Variants in CBL observed in about 807,000 individuals in gnomAD.
The protein encoded by CBL is Cbl proto-oncogene.
In CBL, 45 loss-of-function variants were observed where a neutral mutation model predicts 96.9. That is an observed-to-expected ratio of 0.46 (90% confidence interval 0.37 to 0.60). The LOEUF is 0.60. Ranked by LOEUF, CBL falls within the 20% of genes least tolerant of loss-of-function variation. The pLI, the probability that CBL is intolerant of heterozygous loss-of-function variation, is 0.00. For missense variants in CBL, 1,024 were observed against 1,143.5 expected (o/e 0.90, Z 1.51); for synonymous variants, 420 against 426.8 (o/e 0.98, Z 0.20).
At chr11:119,265,714 C>G (rs1012455936) in intron 2 of CBL, among the ~76,000 whole-genome samples, 38 of 152,134 alleles carry the variant, frequency 2.5e-4, no homozygotes, top group Non-Finnish European at 5.9e-5. Context: ...TGGTGAAACC[C>G]TGTCTCTACT....
chr11:119,303,906 CT>C lies in CBL; in HGVS notation c.*4126del, dbSNP rs1180394101. On this transcript the variant is annotated 3_prime_UTR_variant, in exon 16 of 16. Coordinates refer to ENST00000264033, the MANE Select transcript of CBL (RefSeq NM_005188.4). ...GATTTTCGTATCACCCTTATGGGAC[CT>C]GTCACCATGTCCTGTACTATTTGGA... is the stretch of plus-strand genomic sequence containing the variant. 11 of 233,704 alleles carry C rather than the reference CT, an allele frequency of 4.7e-5. No homozygotes were observed. Among genetic ancestry groups the C allele is most frequent in the African/African-American group, 2.4e-4 (11 of 45,440 alleles). 14.5% of individuals were successfully genotyped at this position (233,704 alleles called of 1,614,324 possible). A position where few individuals can be genotyped will look rare whatever the true frequency, so the allele number is the denominator to read the frequency against.
chr11:119,215,314 C>G (rs1949350725), intron 1 of CBL, among the ~76,000 whole-genome samples: 1 of 151,946 alleles, frequency 6.6e-6, no homozygotes, highest in African/African-American at 2.4e-5. Context: ...CAGCAGAGTT[C>G]AATGTTATAT....
Position 119,206,411 on chromosome 11 carries a change from C to T in CBL, c.-7C>T. 6.4e-7 allele frequency: 1 copy of T among 1,551,504 alleles called. No individual in the cohort carries two copies. ...GGACCCGCCTGGGCTCCGACCCTGC[C>T]CAGGCCATGGCCGGCAACGTGAAGA... On this transcript the variant is annotated 5_prime_UTR_variant, in exon 1 of 16. Transcript: ENST00000264033.
intron 1 of CBL, among the ~76,000 whole-genome samples, chr11:119,211,210 A>G (rs1949315876): frequency 6.6e-6 from 1 of 152,034 alleles, no homozygotes; most frequent in Admixed American, 6.5e-5. Context: ...TGTCTCTACT[A>G]AAAATACAAA....
chr11:119,252,575 G>A (rs981277849), intron 2 of CBL, among the ~76,000 whole-genome samples: 2 of 152,148 alleles, frequency 1.3e-5, no homozygotes, highest in African/African-American at 2.4e-5. Context: ...CTAGATTGAG[G>A]CCAGGTGCGG....
chr11:119,237,064 C>T (rs778801155), intron 2 of CBL, among the ~76,000 whole-genome samples: 1 of 152,176 alleles, frequency 6.6e-6, no homozygotes, highest in Non-Finnish European at 1.5e-5. Context: ...TCCCTTTGTA[C>T]AGCATCTCCA....
At chr11:119,229,153 T>C (rs1430301423) in intron 1 of CBL, among the ~76,000 whole-genome samples, 1 of 152,198 alleles carries the variant, frequency 6.6e-6, no homozygotes, top group African/African-American at 2.4e-5. Context: ...CAGACTAACA[T>C]AGGAAACTAC....
At chr11:119,223,607 ATTATTATTTATTTATT>A (rs776480005) in intron 1 of CBL, among the ~76,000 whole-genome samples, 31 of 145,382 alleles carry the variant, frequency 2.1e-4, no homozygotes, top group South Asian at 6.4e-4. Flanking sequence ...ATTTTTTTTT[ATTATTATTTATTTATT>A]TTATTATTTA....
intron 9 of CBL, among the ~76,000 whole-genome samples, chr11:119,283,967 T>A (rs192072873): frequency 1.0e-3 from 155 of 152,278 alleles, no homozygotes; most frequent in Non-Finnish European, 1.8e-3. Context: ...ATTTATTTCT[T>A]TGGAAGGACT....
At chr11:119,236,622 T>TATATATATATATATAC (rs398017756) in intron 2 of CBL, among the ~76,000 whole-genome samples, 4 of 144,310 alleles carry the variant, frequency 2.8e-5, no homozygotes, top group African/African-American at 1.0e-4. Context: ...TATATATATA[T>TATATATATATATATAC]ACCCATAGGA....
At chr11:119,288,342 C>T (rs114973231) in intron 12 of CBL, among the ~76,000 whole-genome samples, 1 of 152,124 alleles carries the variant, frequency 6.6e-6, no homozygotes, top group African/African-American at 2.4e-5. Context: ...GTTTAAATAG[C>T]AGAAATTTAT....
Position 119,307,742 on chromosome 11 carries a change from G to A in CBL, c.*7961G>A, listed in dbSNP as rs1173277214. 1 of 221,214 alleles carries A rather than the reference G, an allele frequency of 4.5e-6. No homozygotes were observed. Among genetic ancestry groups the A allele is most frequent in the African/African-American group, 2.2e-5 (1 of 44,678 alleles). 13.7% of individuals were successfully genotyped at this position (221,214 alleles called of 1,614,324 possible). ...AGATTTTGAAATTCTTAGCCTGGGA[G>A]TGCTGGAGAGAACCTGATGCTTTCT... On this transcript the variant is annotated 3_prime_UTR_variant, in exon 16 of 16. Coordinates refer to ENST00000264033, the MANE Select transcript of CBL (RefSeq NM_005188.4).
At chr11:119,211,236 G>C (rs1191354439) in intron 1 of CBL, among the ~76,000 whole-genome samples, 6 of 151,990 alleles carry the variant, frequency 3.9e-5, no homozygotes, top group African/African-American at 9.7e-5. Context: ...GCCGGGCATG[G>C]TGGTGGGTGC....
intron 12 of CBL, among the ~76,000 whole-genome samples, chr11:119,290,128 C>T (rs1950014454): frequency 6.6e-6 from 1 of 152,112 alleles, no homozygotes; most frequent in South Asian, 2.1e-4. Context: ...TCACTGCAGC[C>T]TAAACTTCCC....
rs1019970405 is a variant in CBL at position 119,206,369 on chromosome 11, A to G, written c.-49A>G. 1.1e-4 allele frequency: 147 copies of G among 1,389,006 alleles called. No homozygotes were observed. The highest frequency in any genetic ancestry group is 1.4e-4 in the Non-Finnish European group (142 of 1,050,576). The allele number at this position is 1,389,006 out of a possible 1,614,324, so 86.0% of individuals were successfully genotyped here. ...CGCCCTGCTTCTCTCCCTCGCTCGC[A>G]GTCGAGCCGAGCCGGCGGACCCGCC... On this transcript the variant is annotated 5_prime_UTR_variant, in exon 1 of 16. Transcript: ENST00000264033.
chr11:119,274,068 G>A lies in CBL; in HGVS notation c.747+44G>A, dbSNP rs770943321. On this transcript the variant is annotated intron_variant, in intron 4 of 15. Coordinates refer to ENST00000264033, the MANE Select transcript of CBL (RefSeq NM_005188.4). The stretch of plus-strand genomic sequence containing the variant: ...TGACTAAACTGGTTACTGCTACTTC[G>A]GTGAAGAGAAAGCTTTTTTTTTTTT... 1.0e-5 allele frequency: 15 copies of A among 1,453,678 alleles called. No homozygotes were observed. The East Asian group carries it at 1.1e-4, about 11-fold the overall frequency. The allele number at this position is 1,453,678 out of a possible 1,614,324, so 90.0% of individuals were successfully genotyped here.
intron 12 of CBL, among the ~76,000 whole-genome samples, chr11:119,295,165 C>T (rs1644947198): frequency 1.3e-5 from 2 of 152,144 alleles, no homozygotes; most frequent in Non-Finnish European, 2.9e-5. Context: ...AGTATTTATT[C>T]AGTACATTAT....
At chr11:119,251,428 G>T (rs1180953312) in intron 2 of CBL, among the ~76,000 whole-genome samples, 5 of 152,132 alleles carry the variant, frequency 3.3e-5, no homozygotes, top group Non-Finnish European at 1.5e-5. Flanking sequence ...TTAATGAGCA[G>T]TTCTGTTTTG....
rs1276805325 is a variant in CBL at position 119,307,516 on chromosome 11, G to C, written c.*7735G>C. ...AAGCATTAAGCAGCTAGTGCCCTCTGCAGGGCCTGGTTTCCCCAGGGAAGG... is the reference window on the plus strand; with the variant it reads ...AAGCATTAAGCAGCTAGTGCCCTCTCCAGGGCCTGGTTTCCCCAGGGAAGG... On this transcript the variant is annotated 3_prime_UTR_variant, in exon 16 of 16. Coordinates refer to ENST00000264033, the MANE Select transcript of CBL (RefSeq NM_005188.4). The C allele has an allele frequency of 8.6e-6, 2 of 231,440 alleles. No individual in the cohort carries two copies. Among genetic ancestry groups the C allele is most frequent in the Non-Finnish European group, 1.7e-5 (2 of 116,726 alleles). 14.3% of individuals were successfully genotyped at this position (231,440 alleles called of 1,614,324 possible).
Sources: gnomAD v4.1 joint callset for allele counts (sites outside exome capture counted in the v4.1 genomes callset) on GRCh38, gnomAD v4.1.1 for gene constraint, MANE v1.5 for transcripts, NCBI Gene and HGNC (gene_info 2026-07-23, HGNC 2026-07-21) for gene names.